The following ASB4 variants were observed in gnomAD, a reference collection of about 807,000 sequenced individuals.
The protein encoded by ASB4 is ankyrin repeat and SOCS box containing 4.
In ASB4, 35 loss-of-function variants were observed where a neutral mutation model predicts 38.6. That is an observed-to-expected ratio of 0.91 (90% CI 0.69 to 1.20). The LOEUF is 1.20. Ranked by LOEUF, ASB4 falls within the 50% of genes most tolerant of loss-of-function variation. ASB4 has a pLI of 0.00. For synonymous variants in ASB4, 195 were observed against 201.3 expected (o/e 0.97, Z 0.26); for missense variants, 557 against 527.2 (o/e 1.06, Z -0.55).
intron 2 of ASB4, among the ~76,000 whole-genome samples, chr7:95,524,783 G>A (rs1204203684): frequency 2.0e-5 from 3 of 152,092 alleles, no homozygotes; most frequent in Admixed American, 6.6e-5. Context: ...AAGTATAATC[G>A]GGTCCCCAGA....
downstream of ASB4, among the ~76,000 whole-genome samples, chr7:95,541,081 C>T (rs1469582334): frequency 6.6e-6 from 1 of 152,150 alleles, no homozygotes; most frequent in Non-Finnish European, 1.5e-5. Context: ...ATTCCTGTTA[C>T]TTTCTTTAGG....
rs113367065 is a variant in ASB4, at chr7:95,486,541, C to T, written c.187+383C>T. Among the ~76,000 whole-genome samples the T allele has an allele frequency of 3.3e-5, 5 of 152,316 alleles. No homozygotes were observed. The East Asian group carries it at 5.8e-4, about 18-fold the overall frequency. On this transcript the variant is annotated intron_variant, in intron 1 of 4. Transcript: ENST00000325885. ...AGACAATGTACCTGGTTTAAGAACACGCTGCTAATTCTCCATTAACAGCTA... is the reference window on the plus strand; with the variant it reads ...AGACAATGTACCTGGTTTAAGAACATGCTGCTAATTCTCCATTAACAGCTA...
intron 1 of ASB4, among the ~76,000 whole-genome samples, chr7:95,479,003 G>A (rs370439830): frequency 6.6e-6 from 1 of 152,116 alleles, no homozygotes; most frequent in African/African-American, 2.4e-5. Context: ...CCACAGGGAA[G>A]ACTTTCAAAA....
chr7:95,545,428 GA>G, the ASB4 span, among the ~76,000 whole-genome samples: 3,783 of 151,994 alleles, frequency 0.025, 153 homozygotes, highest in African/African-American at 0.085. Context: ...AATCTGGAAG[GA>G]AAAAAACAAC....
chr7:95,485,797 GT>G, upstream of ASB4: 3 of 544,854 alleles, frequency 5.5e-6, no homozygotes, highest in Non-Finnish European at 9.7e-6. Flanking sequence ...TGAAAATGTA[GT>G]GACAGCCAAG....
chr7:95,501,991 G>A (rs373085799), intron 2 of ASB4, among the ~76,000 whole-genome samples: 18 of 151,970 alleles, frequency 1.2e-4, no homozygotes, highest in African/African-American at 4.4e-4. Flanking sequence ...CTTCAGAAGG[G>A]CAAACACCAT....
At chr7:95,543,087 C>T (rs1239939933), downstream of ASB4, 1 of 152,254 alleles carries the variant, frequency 6.6e-6, no homozygotes, top group Non-Finnish European at 1.5e-5. Context: ...ACTCCTTGTC[C>T]TGTTCCAGAT....
chr7:95,517,583 A>G (rs1278688678), intron 2 of ASB4, among the ~76,000 whole-genome samples: 3 of 151,458 alleles, frequency 2.0e-5, no homozygotes, highest in African/African-American at 7.4e-5. Flanking sequence ...GGGAGAAGAA[A>G]GCACACCCAA....
chr7:95,541,625 A>G (rs781495924), downstream of ASB4, among the ~76,000 whole-genome samples: 2 of 152,206 alleles, frequency 1.3e-5, no homozygotes, highest in Non-Finnish European at 2.9e-5. Flanking sequence ...ATTAGTAAAC[A>G]TGCCAACCAA....
upstream of ASB4, among the ~76,000 whole-genome samples, chr7:95,482,695 T>C (rs1286883643): frequency 6.6e-6 from 1 of 152,010 alleles, no homozygotes; most frequent in Non-Finnish European, 1.5e-5. Flanking sequence ...CTTGCTGACG[T>C]AGGGAGAAAA....
At chr7:95,550,947 C>T in the ASB4 span, among the ~76,000 whole-genome samples, 3 of 152,078 alleles carry the variant, frequency 2.0e-5, no homozygotes, top group Non-Finnish European at 4.4e-5. Flanking sequence ...TAAATATTTA[C>T]CATGTTTTTT....
intron 2 of ASB4, among the ~76,000 whole-genome samples, chr7:95,520,923 CTTT>C (rs1436311436): frequency 6.6e-6 from 1 of 151,988 alleles, no homozygotes; most frequent in Non-Finnish European, 1.5e-5. Context: ...CCATCTTATT[CTTT>C]TTTAATTTTA....
intron 2 of ASB4, 33 bp from the exon 3 acceptor site, chr7:95,527,780 T>C: frequency 1.2e-5 from 18 of 1,553,536 alleles, no homozygotes; most frequent in Non-Finnish European, 1.6e-5. Context: ...AAAACATGTT[T>C]AAATAATTGT....
chr7:95,482,064 G>A (rs1219327644), upstream of ASB4, among the ~76,000 whole-genome samples: 1 of 152,198 alleles, frequency 6.6e-6, no homozygotes, highest in Non-Finnish European at 1.5e-5. Context: ...TCCTATGTTA[G>A]AAGGACTTTG....
chr7:95,501,444 G>T (rs9886222), intron 2 of ASB4, among the ~76,000 whole-genome samples: 85 of 152,222 alleles, frequency 5.6e-4, no homozygotes, highest in South Asian at 1.5e-3. Flanking sequence ...GAAATAGATA[G>T]GCCTGCTGGA....
At chr7:95,523,332 C>T (rs184123519) in intron 2 of ASB4, among the ~76,000 whole-genome samples, 5 of 152,204 alleles carry the variant, frequency 3.3e-5, no homozygotes, top group Admixed American at 6.5e-5. Context: ...ATTATGATAG[C>T]ATAAGCTTAT....
rs1396721583 is a variant in ASB4 at position 95,505,697 on chromosome 7, C to CA, written c.487+9640_487+9641insA. On this transcript the variant is annotated intron_variant, in intron 2 of 4. Transcript: ENST00000325885. ...TTCCTCTATCCGTGTCCCCCCCCCC[C>CA]CAAATACTTATTCATTCCCTGTCCC... 2.7e-4 allele frequency among the ~76,000 whole-genome samples: 38 copies of CA among 141,938 alleles called. 1 individual carries two copies. Among genetic ancestry groups the CA allele is most frequent in the Middle Eastern group, 3.5e-3 (1 of 284 alleles). The allele number at this position is 141,938 out of a possible 152,430, so 93.1% of individuals were successfully genotyped here.
At chr7:95,531,894 G>A (rs941349371) in intron 3 of ASB4, among the ~76,000 whole-genome samples, 1 of 151,978 alleles carries the variant, frequency 6.6e-6, no homozygotes, top group Non-Finnish European at 1.5e-5. Context: ...CTTTGTCCAT[G>A]GTTAGCATTT....
downstream of ASB4, chr7:95,543,110 G>A (rs1047303367): frequency 1.3e-5 from 2 of 152,212 alleles, no homozygotes; most frequent in Non-Finnish European, 2.9e-5. Context: ...GGTGGAAGCT[G>A]AAAGTCAGTA....
Sources: gnomAD v4.1 joint callset for allele counts (sites outside exome capture counted in the v4.1 genomes callset) on GRCh38, gnomAD v4.1.1 for gene constraint, MANE v1.5 for transcripts, NCBI Gene and HGNC (gene_info 2026-07-23, HGNC 2026-07-21) for gene names.